The following DOCK1 variants were observed in gnomAD, a reference collection of about 807,000 sequenced individuals.
DOCK1 encodes the protein dedicator of cytokinesis protein 1.
Under a neutral mutation model 262.7 loss-of-function variants are expected in DOCK1, and 138 were observed. That is an observed-to-expected ratio of 0.53 (90% confidence interval 0.46 to 0.61). The LOEUF is 0.61. DOCK1 is among the 20% of genes least tolerant of loss of function. DOCK1 has a pLI of 0.00. For missense variants in DOCK1, 1,908 were observed against 2,370.7 expected (o/e 0.80, Z 4.05); for synonymous variants, 866 against 867.4 (o/e 1.00, Z 0.03).
chr10:127,127,213 G>T (rs1222256330), intron 26 of DOCK1, among the ~76,000 whole-genome samples: 2 of 152,236 alleles, frequency 1.3e-5, no homozygotes, highest in Non-Finnish European at 2.9e-5. Context: ...TGCCACAGCA[G>T]TGTGAATTTT....
At chr10:127,442,814 G>A (rs150495402) in intron 49 of DOCK1, among the ~76,000 whole-genome samples, 15 of 152,340 alleles carry the variant, frequency 9.8e-5, no homozygotes, top group East Asian at 1.9e-4. Flanking sequence ...TTGACCGCAC[G>A]GATGTTGCCC....
intron 29 of DOCK1, among the ~76,000 whole-genome samples, chr10:127,335,669 T>G (rs1273950925): frequency 1.3e-5 from 2 of 151,468 alleles, no homozygotes; most frequent in African/African-American, 4.9e-5. Flanking sequence ...TGCCTCAGCC[T>G]CCTGAGTAGC....
intron 47 of DOCK1, among the ~76,000 whole-genome samples, chr10:127,428,908 C>A (rs572828673): frequency 9.9e-6 from 1 of 101,100 alleles, no homozygotes; most frequent in African/African-American, 3.7e-5. Flanking sequence ...TGGATTGAGC[C>A]GTGTGGATTG....
At chr10:127,006,635 C>G (rs765594210) in intron 10 of DOCK1, among the ~76,000 whole-genome samples, 1 of 152,198 alleles carries the variant, frequency 6.6e-6, no homozygotes, top group African/African-American at 2.4e-5. Context: ...GACGTCAAGG[C>G]CTTCTCCTCG....
At chr10:127,153,533 G>A (rs2052717021) in intron 27 of DOCK1, among the ~76,000 whole-genome samples, 1 of 152,282 alleles carries the variant, frequency 6.6e-6, no homozygotes, top group African/African-American at 2.4e-5. Flanking sequence ...AAGGGCCTAT[G>A]TTTTACAGCC....
At chr10:126,949,027 C>G (rs1222140295) in intron 1 of DOCK1, among the ~76,000 whole-genome samples, 1 of 152,126 alleles carries the variant, frequency 6.6e-6, no homozygotes, top group Non-Finnish European at 1.5e-5. Flanking sequence ...TTCGTCTTTG[C>G]TTTGGTTCCC....
chr10:127,180,797 T>C (rs1032518602), intron 27 of DOCK1, among the ~76,000 whole-genome samples: 8 of 152,180 alleles, frequency 5.3e-5, no homozygotes, highest in Non-Finnish European at 1.0e-4. Context: ...TTATTTAGTA[T>C]CATAGAAAAA....
At chr10:127,022,459 C>G (rs1382941259) in intron 13 of DOCK1, among the ~76,000 whole-genome samples, 1 of 152,136 alleles carries the variant, frequency 6.6e-6, no homozygotes, top group East Asian at 1.9e-4. Flanking sequence ...GAGTTTTGCT[C>G]TGTTGCTGAG....
chr10:126,915,431 G>A (rs367779991), intron 1 of DOCK1, among the ~76,000 whole-genome samples: 8,186 of 68,470 alleles, frequency 0.12, 520 homozygotes, highest in African/African-American at 0.24. Flanking sequence ...TTTTGGGGGC[G>A]GGGGGGGGAT....
intron 27 of DOCK1, among the ~76,000 whole-genome samples, chr10:127,220,473 A>G (rs1238783836): frequency 1.3e-5 from 2 of 152,162 alleles, no homozygotes; most frequent in African/African-American, 4.8e-5. Flanking sequence ...CAGGTAAAAA[A>G]AAAACTTAAG....
chr10:127,185,357 C>T (rs954410676), intron 27 of DOCK1, among the ~76,000 whole-genome samples: 1 of 152,138 alleles, frequency 6.6e-6, no homozygotes, highest in Admixed American at 6.5e-5. Context: ...TGAATCCCGT[C>T]TCTACTAAAA....
chr10:127,138,848 A>C (rs1013475644), intron 27 of DOCK1, among the ~76,000 whole-genome samples: 4 of 152,220 alleles, frequency 2.6e-5, no homozygotes, highest in African/African-American at 7.2e-5. Flanking sequence ...ATTGCTGTCA[A>C]CTTGTCTAGA....
intron 29 of DOCK1, among the ~76,000 whole-genome samples, chr10:127,283,473 C>T (rs547152085): frequency 4.3e-4 from 66 of 152,310 alleles, no homozygotes; most frequent in African/African-American, 1.5e-3. Flanking sequence ...CGATGCATTA[C>T]ATTCATTAGT....
chr10:127,429,478 G>A (rs80064176), intron 47 of DOCK1, among the ~76,000 whole-genome samples: 2,117 of 152,250 alleles, frequency 0.014, 45 homozygotes, highest in African/African-American at 0.044. Context: ...AAGCAATCTA[G>A]TATCACCCTG....
At chr10:127,024,904 C>A in intron 15 of DOCK1, 121 bp downstream of exon 15, 2 of 752,770 alleles carry the variant, frequency 2.7e-6, no homozygotes, top group African/African-American at 1.8e-5. Flanking sequence ...CAGAGTGTCT[C>A]CCAACAAAGT....
chr10:127,240,541 G>A (rs1419662496), intron 27 of DOCK1, among the ~76,000 whole-genome samples: 1 of 152,024 alleles, frequency 6.6e-6, no homozygotes, highest in African/African-American at 2.4e-5. Context: ...TTTTTATTAT[G>A]TCTTATGCTT....
intron 27 of DOCK1, among the ~76,000 whole-genome samples, chr10:127,185,762 T>C (rs1022963815): frequency 3.3e-5 from 5 of 152,170 alleles, no homozygotes; most frequent in Non-Finnish European, 7.4e-5. Flanking sequence ...TTGGCATGAC[T>C]ACCTTGAGTG....
chr10:127,263,288 T>C (rs1295536463), intron 29 of DOCK1, among the ~76,000 whole-genome samples: 1 of 152,266 alleles, frequency 6.6e-6, no homozygotes, highest in Non-Finnish European at 1.5e-5. Context: ...GTAATCCTCT[T>C]ATGGAAATTG....
At chr10:127,042,496 C>A in intron 19 of DOCK1, 129 bp from the exon 20 acceptor site, 2 of 751,982 alleles carry the variant, frequency 2.7e-6, no homozygotes, top group South Asian at 2.0e-5. Flanking sequence ...AAAAGGATCC[C>A]GAATGGCTTT....
Sources: gnomAD v4.1 joint callset for allele counts (sites outside exome capture counted in the v4.1 genomes callset) on GRCh38, gnomAD v4.1.1 for gene constraint, MANE v1.5 for transcripts, NCBI Gene and HGNC (gene_info 2026-07-23, HGNC 2026-07-21) for gene names.